Variants in FAM114A2 observed in about 807,000 individuals in gnomAD.
The protein encoded by FAM114A2 is family with sequence similarity 114 member A2.
FAM114A2 carries 53 observed loss-of-function variants against 58.4 expected under a neutral mutation model. The observed-to-expected ratio is 0.91, with a 90% CI of 0.73 to 1.14. The LOEUF is 1.14. FAM114A2 is among the 50% of genes most tolerant of loss of function. The pLI is 0.00. For missense variants in FAM114A2, 601 were observed against 581.1 expected, an observed-to-expected ratio of 1.03 and a Z score of -0.35; for synonymous variants, 228 against 211.4, an observed-to-expected ratio of 1.08 and a Z score of -0.68.
chr5:153,990,397 T>A lies in FAM114A2; in HGVS notation c.*2579A>T, dbSNP rs1046990656. ...TTCTTTGATTACAGGATTGAAAAAT[T>A]CACATTTGTACACCTAGCACTGATT... On this transcript the variant is annotated 3_prime_UTR_variant, in exon 14 of 14. Coordinates refer to ENST00000351797, the MANE Select transcript of FAM114A2 (RefSeq NM_018691.4). 1 of 151,966 alleles carries A rather than the reference T, an allele frequency of 6.6e-6. No homozygotes were observed. Among genetic ancestry groups the A allele is most frequent in the Non-Finnish European group, 1.5e-5 (1 of 67,984 alleles). The allele number at this position is 151,966 out of a possible 1,614,324, so 9.4% of individuals were successfully genotyped here. A position where few individuals can be genotyped will look rare whatever the true frequency, so the allele number is the denominator to read the frequency against.
intron 6 of FAM114A2, among the ~76,000 whole-genome samples, 187 bp downstream of exon 6, chr5:154,027,962 G>C (rs1464004337): frequency 6.6e-6 from 1 of 152,140 alleles, no homozygotes; most frequent in Non-Finnish European, 1.5e-5. Context: ...AAGAGGAGGA[G>C]AAAAAGAGCT....
intron 11 of FAM114A2, among the ~76,000 whole-genome samples, chr5:154,000,724 G>C (rs147680120): frequency 9.9e-4 from 151 of 152,224 alleles, no homozygotes; most frequent in African/African-American, 3.3e-3. Context: ...AGGAAGTTCA[G>C]TCCTTAGAAA....
At chr5:154,020,650 A>G (rs766271467) in intron 8 of FAM114A2, among the ~76,000 whole-genome samples, 123 of 152,288 alleles carry the variant, frequency 8.1e-4, no homozygotes, top group Admixed American at 1.6e-3. Context: ...TAAAGCAATA[A>G]TTAATAGCTT....
intron 8 of FAM114A2, chr5:154,026,188 G>T: frequency 3.3e-6 from 1 of 304,228 alleles, no homozygotes; most frequent in Admixed American, 5.2e-5. Flanking sequence ...AAGGAGGCAG[G>T]GAGACATGGG....
At chr5:154,022,031 C>A (rs1378165123) in intron 8 of FAM114A2, among the ~76,000 whole-genome samples, 1 of 152,172 alleles carries the variant, frequency 6.6e-6, no homozygotes, top group Non-Finnish European at 1.5e-5. Flanking sequence ...CTGACCAAAA[C>A]AAGCAATGGG....
intron 8 of FAM114A2, among the ~76,000 whole-genome samples, chr5:154,017,360 T>C (rs1157461018): frequency 2.0e-5 from 3 of 152,192 alleles, no homozygotes; most frequent in Admixed American, 2.0e-4. Context: ...AAGAATCCCT[T>C]GAACCTGGGA....
chr5:153,997,868 T>C lies in FAM114A2; in HGVS notation c.1264A>G (p.Ile422Val), dbSNP rs1272515683. 4 of 1,589,218 alleles carry C rather than the reference T, an allele frequency of 2.5e-6. No individual in the cohort carries two copies. The highest frequency in any genetic ancestry group is 2.2e-5 in the East Asian group (1 of 44,732). ...GAGGACAACTCTTTACACAACACAA[T>C]TGTCATCCTAGGAAAGAAAGGAAAA... ...ERSQTLSQMT[I>V]VLCKELSSLS... is the part of the protein sequence containing the mutation. The change falls in exon 12 of 14, where the codon ATT becomes GTT. Residue 422 changes from isoleucine to valine, a missense_variant. Physicochemically the swap from Ile to Val is conservative, Grantham distance 29. Transcript: ENST00000351797.
At chr5:153,999,647 A>C (rs1373878928) in intron 11 of FAM114A2, among the ~76,000 whole-genome samples, 1 of 152,038 alleles carries the variant, frequency 6.6e-6, no homozygotes, top group East Asian at 1.9e-4. Context: ...AAAAAAAAAA[A>C]AATTGATGCT....
intron 4 of FAM114A2, among the ~76,000 whole-genome samples, chr5:154,031,553 A>G (rs1772203577): frequency 6.6e-6 from 1 of 152,206 alleles, no homozygotes; most frequent in African/African-American, 2.4e-5. Context: ...TTTAGAAGAT[A>G]GAAGGGGTTT....
intron 9 of FAM114A2, among the ~76,000 whole-genome samples, chr5:154,010,651 G>A (rs892578742): frequency 1.3e-5 from 2 of 152,142 alleles, no homozygotes; most frequent in African/African-American, 2.4e-5. Flanking sequence ...CCAAGAGCAG[G>A]CACTGGCTTA....
At chr5:154,002,807 C>G (rs1172616116) in intron 10 of FAM114A2, 40 bp downstream of exon 10, 5 of 1,611,004 alleles carry the variant, frequency 3.1e-6, no homozygotes, top group African/African-American at 1.3e-5. Context: ...CATTTCAAAT[C>G]TACTAAAACA....
At chr5:153,998,484 A>T (rs1441345092) in intron 11 of FAM114A2, among the ~76,000 whole-genome samples, 1 of 152,168 alleles carries the variant, frequency 6.6e-6, no homozygotes, top group Admixed American at 6.5e-5. Flanking sequence ...TCTGGGGGGA[A>T]TAAATTAGGT....
rs1772443943 is a variant in FAM114A2 at position 154,034,871 on chromosome 5, T to C, written c.83A>G (p.Lys28Arg). Residue 28 changes from lysine (K) to arginine (R), a missense_variant, in exon 2 of 14, where the codon AAG becomes AGG. Transcript: ENST00000351797. ...ACCTTGGTCAACAGACTCAGAATTCTTGGCTGGCTCACAGTTTCCATCTTC... is the reference window on the plus strand; with the variant it reads ...ACCTTGGTCAACAGACTCAGAATTCCTGGCTGGCTCACAGTTTCCATCTTC... ...ILEDGNCEPA[K>R]NSESVDQGAK... 1.2e-6 allele frequency: 2 copies of C among 1,614,082 alleles called. No homozygotes were observed. The highest frequency in any genetic ancestry group is 1.7e-6 in the Non-Finnish European group (2 of 1,179,938).
chr5:153,999,871 T>G (rs149917920), intron 11 of FAM114A2, among the ~76,000 whole-genome samples: 1 of 152,124 alleles, frequency 6.6e-6, no homozygotes, highest in African/African-American at 2.4e-5. Flanking sequence ...AGCAAAGATA[T>G]AGAATTAACC....
In FAM114A2 at chr5:153,994,701, C is replaced by A. The variant is rs548203690; in HGVS notation, c.1383+218G>T. Reference sequence around the variant, plus strand: ...AGGATTAGTACTAAGTAATGACAATCTACTGCTTCTTCCAGTACCCTGCAG... The same window carrying A: ...AGGATTAGTACTAAGTAATGACAATATACTGCTTCTTCCAGTACCCTGCAG... On this transcript the variant is annotated intron_variant, in intron 13 of 13. Coordinates refer to ENST00000351797, the MANE Select transcript of FAM114A2 (RefSeq NM_018691.4). 2.8e-3 allele frequency: 1,356 copies of A among 482,338 alleles called. 10 individuals carry two copies. The highest frequency in any genetic ancestry group is 9.8e-3 in the South Asian group (339 of 34,480). The allele number at this position is 482,338 out of a possible 1,614,324, so 29.9% of individuals were successfully genotyped here.
In FAM114A2 at chr5:154,038,871, C is replaced by T. The variant is rs192040139; in HGVS notation, c.-29G>A. 3 of 152,682 alleles carry T rather than the reference C, an allele frequency of 2.0e-5. No homozygotes were observed. The highest frequency in any genetic ancestry group is 1.9e-4 in the East Asian group (1 of 5,182). The allele number at this position is 152,682 out of a possible 1,614,324, so 9.5% of individuals were successfully genotyped here. A position where few individuals can be genotyped will look rare whatever the true frequency, so the allele number is the denominator to read the frequency against. ...AAGCTCCGCACCTATCCGGCCGCCA[C>T]CCTCAGCACAGCCACGGCAGCCGAC... On this transcript the variant is annotated 5_prime_UTR_variant, in exon 1 of 14. It adds an upstream start codon to the 5' untranslated region. Transcript: ENST00000351797.
At chr5:154,036,914 G>A (rs1006905317) in intron 1 of FAM114A2, 3 of 152,248 alleles carry the variant, frequency 2.0e-5, no homozygotes, top group Admixed American at 2.0e-4. Flanking sequence ...TAGCAACACC[G>A]GGCCCACATT....
At chr5:154,017,342 T>G (rs1449686114) in intron 8 of FAM114A2, among the ~76,000 whole-genome samples, 3 of 152,182 alleles carry the variant, frequency 2.0e-5, no homozygotes, top group African/African-American at 7.2e-5. Context: ...CTCAGGAGGC[T>G]GAGGCAGAAG....
At chr5:154,009,735 A>G (rs1285902071) in intron 9 of FAM114A2, among the ~76,000 whole-genome samples, 2 of 152,220 alleles carry the variant, frequency 1.3e-5, no homozygotes, top group Non-Finnish European at 2.9e-5. Flanking sequence ...GTATAAACTG[A>G]CATTAATCAT....
Sources: gnomAD v4.1 joint callset for allele counts (sites outside exome capture counted in the v4.1 genomes callset) on GRCh38, gnomAD v4.1.1 for gene constraint, MANE v1.5 for transcripts, NCBI Gene and HGNC (gene_info 2026-07-23, HGNC 2026-07-21) for gene names.